The following PCGF5 variants were observed in gnomAD, a reference collection of about 807,000 sequenced individuals.
The protein encoded by PCGF5 is polycomb group RING finger protein 5.
PCGF5 carries 9 observed loss-of-function variants against 44.3 expected under a neutral mutation model. The observed-to-expected ratio is 0.20, with a 90% confidence interval of 0.12 to 0.35. The LOEUF is 0.35. Ranked by LOEUF, PCGF5 falls within the 10% of genes least tolerant of loss-of-function variation. The pLI is 1.00. For synonymous variants in PCGF5, 95 were observed against 102.5 expected (o/e 0.93, Z 0.44); for missense variants, 146 against 305.3 (o/e 0.48, Z 3.89).
chr10:91,195,427 G>A (rs1326422939), intron 1 of PCGF5, among the ~76,000 whole-genome samples: 1 of 150,418 alleles, frequency 6.6e-6, no homozygotes, highest in African/African-American at 2.5e-5. Flanking sequence ...TTAAATAATT[G>A]AATATAAATC....
intron 1 of PCGF5, among the ~76,000 whole-genome samples, chr10:91,210,871 C>T (rs1844439544): frequency 6.6e-6 from 1 of 152,210 alleles, no homozygotes; most frequent in East Asian, 1.9e-4. Flanking sequence ...GAGCAAGTTT[C>T]ACCTATTCTC....
intron 3 of PCGF5, among the ~76,000 whole-genome samples, chr10:91,245,086 T>C (rs1240284374): frequency 2.6e-5 from 4 of 152,072 alleles, no homozygotes; most frequent in South Asian, 2.1e-4. Context: ...GGACCAAGGA[T>C]TGAGCCCTGG....
upstream of PCGF5, among the ~76,000 whole-genome samples, chr10:91,219,057 C>T (rs192745269): frequency 2.0e-5 from 3 of 152,300 alleles, no homozygotes; most frequent in African/African-American, 7.2e-5. Context: ...GGCGAAACCA[C>T]AGAACACTTA....
intron 6 of PCGF5, among the ~76,000 whole-genome samples, chr10:91,260,505 G>T (rs898008785): frequency 6.6e-6 from 1 of 152,054 alleles, no homozygotes; most frequent in East Asian, 1.9e-4. Context: ...AAAGACACAT[G>T]CACACATATG....
intron 1 of PCGF5, among the ~76,000 whole-genome samples, chr10:91,171,852 G>T (rs1398589736): frequency 6.6e-6 from 1 of 152,038 alleles, no homozygotes; most frequent in Non-Finnish European, 1.5e-5. Context: ...GAAGATCATT[G>T]GTCTTCGGGA....
intron 2 of PCGF5, among the ~76,000 whole-genome samples, chr10:91,237,525 T>C (rs892346021): frequency 2.0e-5 from 3 of 152,138 alleles, no homozygotes; most frequent in African/African-American, 7.2e-5. Flanking sequence ...GGCAGATTAC[T>C]TGAGGCCAGG....
intron 1 of PCGF5, among the ~76,000 whole-genome samples, chr10:91,205,218 G>A (rs777784190): frequency 2.0e-5 from 3 of 151,940 alleles, no homozygotes; most frequent in Non-Finnish European, 4.4e-5. Flanking sequence ...AGCCTTGAGC[G>A]CAATTGTTCC....
At chr10:91,206,914 C>T (rs1009049054) in intron 1 of PCGF5, among the ~76,000 whole-genome samples, 1 of 152,170 alleles carries the variant, frequency 6.6e-6, no homozygotes, top group Admixed American at 6.5e-5. Flanking sequence ...AATAGCACTG[C>T]CCCAGAGTCC....
intron 6 of PCGF5, 130 bp downstream of exon 6, chr10:91,251,570 C>A: frequency 2.2e-6 from 2 of 911,420 alleles, no homozygotes; most frequent in Non-Finnish European, 3.4e-6. Context: ...AAATAAAATG[C>A]CATTCTTTGA....
chr10:91,198,907 T>C (rs1261313517), intron 1 of PCGF5, among the ~76,000 whole-genome samples: 1 of 152,206 alleles, frequency 6.6e-6, no homozygotes, highest in Non-Finnish European at 1.5e-5. Context: ...AGGCCATTCT[T>C]GTTCTCCTCC....
chr10:91,163,317 G>A (rs1000100806), intron 1 of PCGF5, among the ~76,000 whole-genome samples: 60 of 151,288 alleles, frequency 4.0e-4, no homozygotes, highest in African/African-American at 1.4e-3. Context: ...CTGGAGGCAC[G>A]GCGGGGCCGG....
intron 9 of PCGF5, among the ~76,000 whole-genome samples, chr10:91,273,175 C>T (rs1349590163): frequency 6.6e-6 from 1 of 152,172 alleles, no homozygotes; most frequent in Non-Finnish European, 1.5e-5. Context: ...GGAGAAAGAT[C>T]ATTCTTCTCT....
chr10:91,237,949 G>A (rs1178707454), intron 2 of PCGF5, among the ~76,000 whole-genome samples: 1 of 152,232 alleles, frequency 6.6e-6, no homozygotes, highest in Non-Finnish European at 1.5e-5. Flanking sequence ...CCCTTTGGTA[G>A]AGATAAAATG....
chr10:91,175,290 A>G (rs1238160472), intron 1 of PCGF5, among the ~76,000 whole-genome samples: 1 of 152,222 alleles, frequency 6.6e-6, no homozygotes, highest in Non-Finnish European at 1.5e-5. Context: ...ACAATGATCG[A>G]CTGAAAAAGG....
At chr10:91,164,876 T>C (rs1285143056) in intron 1 of PCGF5, among the ~76,000 whole-genome samples, 1 of 152,234 alleles carries the variant, frequency 6.6e-6, no homozygotes. Context: ...CTGATCTTAC[T>C]TTGTTTAGGA....
At chr10:91,261,195 G>A (rs1040632549) in intron 6 of PCGF5, 131 bp from the exon 7 acceptor site, 46 of 1,146,936 alleles carry the variant, frequency 4.0e-5, no homozygotes, top group Middle Eastern at 2.7e-4. Context: ...GCTATAAATT[G>A]AAATGTTTTC....
At chr10:91,230,153 A>G (rs1450553529) in intron 2 of PCGF5, among the ~76,000 whole-genome samples, 1 of 152,226 alleles carries the variant, frequency 6.6e-6, no homozygotes, top group African/African-American at 2.4e-5. Context: ...AAAGCACACA[A>G]CCAAAGGACA....
At chr10:91,262,439 A>G (rs887006643) in intron 7 of PCGF5, among the ~76,000 whole-genome samples, 2 of 152,156 alleles carry the variant, frequency 1.3e-5, no homozygotes, top group South Asian at 4.1e-4. Flanking sequence ...AAAAAAGAAA[A>G]GAAAAGAAAA....
At chr10:91,269,963 A>G (rs923114260) in intron 8 of PCGF5, among the ~76,000 whole-genome samples, 1 of 151,986 alleles carries the variant, frequency 6.6e-6, no homozygotes, top group African/African-American at 2.4e-5. Flanking sequence ...CAGTTTTTTG[A>G]TTCTTTCAAA....
Sources: allele counts gnomAD v4.1 joint callset (sites outside exome capture counted in the v4.1 genomes callset), GRCh38; gene constraint gnomAD v4.1.1; transcripts MANE v1.5; gene names NCBI Gene and HGNC (gene_info 2026-07-23, HGNC 2026-07-21).